ACTR3C: variants seen among roughly 807,000 people sequenced by gnomAD.
ACTR3C encodes the protein actin-related protein 3C.
In ACTR3C, 18 loss-of-function variants were observed where a neutral mutation model predicts 26.3. The observed-to-expected ratio is 0.68, with a 90% CI of 0.47 to 1.01. The LOEUF is 1.01. Among genes scored for constraint, ACTR3C ranks in the 50% least tolerant of loss-of-function variants. ACTR3C has a pLI of 0.00. For missense variants in ACTR3C, 184 were observed against 250.7 expected, an observed-to-expected ratio of 0.73 and a Z score of 1.80; for synonymous variants, 55 against 94.5, an observed-to-expected ratio of 0.58 and a Z score of 2.42.
At chr7:150,033,862 G>A in the ACTR3C span, among the ~76,000 whole-genome samples, 2 of 151,752 alleles carry the variant, frequency 1.3e-5, no homozygotes, top group Admixed American at 6.5e-5. Flanking sequence ...CCAGCGATGG[G>A]GATCCTAAGA....
chr7:150,083,710 C>G, the ACTR3C span, among the ~76,000 whole-genome samples: 1 of 152,232 alleles, frequency 6.6e-6, no homozygotes, highest in South Asian at 2.1e-4. Context: ...TTCACATCCT[C>G]CAGGTATTTG....
the ACTR3C span, among the ~76,000 whole-genome samples, chr7:150,193,315 T>C: frequency 1.3e-5 from 2 of 152,040 alleles, no homozygotes; most frequent in African/African-American, 4.8e-5. Context: ...TATTTTCTCT[T>C]GGTGAGTTCA....
At chr7:150,276,790 T>C (rs1333306968) in intron 6 of ACTR3C, among the ~76,000 whole-genome samples, 1 of 152,206 alleles carries the variant, frequency 6.6e-6, no homozygotes, top group Non-Finnish European at 1.5e-5. Context: ...CTCTTGACCC[T>C]CATCCTGTGT....
At chr7:150,175,660 A>C in the ACTR3C span, among the ~76,000 whole-genome samples, 469 of 148,508 alleles carry the variant, frequency 3.2e-3, 34 homozygotes, top group African/African-American at 0.012. Context: ...CTAAAATGCA[A>C]AATTAGCTGG....
At chr7:150,203,770 T>G in the ACTR3C span, among the ~76,000 whole-genome samples, 6 of 152,290 alleles carry the variant, frequency 3.9e-5, no homozygotes, top group South Asian at 1.2e-3. Flanking sequence ...TTTCACCATA[T>G]TGGCCAGGCT....
the ACTR3C span, among the ~76,000 whole-genome samples, chr7:150,206,570 T>A: frequency 6.6e-6 from 1 of 152,048 alleles, no homozygotes; most frequent in African/African-American, 2.4e-5. Flanking sequence ...TGCACCACCA[T>A]GCCCAGATAA....
At chr7:150,068,594 C>T in the ACTR3C span, among the ~76,000 whole-genome samples, 6 of 148,044 alleles carry the variant, frequency 4.1e-5, no homozygotes, top group Admixed American at 6.9e-5. Context: ...CTGGCTAACA[C>T]GGTGAAACCC....
At position 150,309,702 on chromosome 7, in the gene ACTR3C, C is replaced by T. The variant is rs185897175; in HGVS notation, c.-52+13767G>A. 1.1e-3 allele frequency among the ~76,000 whole-genome samples: 164 copies of T among 152,276 alleles called. 2 individuals carry two copies. Among genetic ancestry groups the T allele is most frequent in the Admixed American group, 8.8e-3 (135 of 15,290 alleles). On this transcript the variant is annotated intron_variant, in intron 1 of 7. Transcript: ENST00000683684. ...CTTCCTAAGCCGTGTCCCACCTGTG[C>T]GGGACCCCACTGGAAATCGGACTGT...
chr7:150,038,585 G>T, the ACTR3C span, among the ~76,000 whole-genome samples: 2 of 145,042 alleles, frequency 1.4e-5, no homozygotes, highest in South Asian at 2.1e-4. Flanking sequence ...CTTAAGCTCC[G>T]GTAGATTGCA....
intron 6 of ACTR3C, among the ~76,000 whole-genome samples, chr7:150,264,064 C>G (rs923276095): frequency 2.0e-5 from 3 of 152,196 alleles, no homozygotes; most frequent in Admixed American, 6.5e-5. Context: ...GCCGGGAGAG[C>G]TGCACACACC....
the ACTR3C span, among the ~76,000 whole-genome samples, chr7:150,234,969 C>A: frequency 2.6e-5 from 4 of 152,192 alleles, no homozygotes; most frequent in Non-Finnish European, 5.9e-5. Context: ...TCTCCTTAGC[C>A]ATGTAGCCAA....
At chr7:150,123,935 G>A in the ACTR3C span, among the ~76,000 whole-genome samples, 1 of 152,178 alleles carries the variant, frequency 6.6e-6, no homozygotes, top group African/African-American at 2.4e-5. Flanking sequence ...TGGAGCATGA[G>A]GTGTGAGGGA....
downstream of ACTR3C, among the ~76,000 whole-genome samples, chr7:150,239,542 A>C (rs11763702): frequency 0.078 from 8,238 of 105,144 alleles, 326 homozygotes; most frequent in South Asian, 0.095. Flanking sequence ...CTCTCTCTCT[A>C]TATATATATA....
the ACTR3C span, among the ~76,000 whole-genome samples, chr7:150,230,102 A>G: frequency 1.6e-4 from 24 of 151,244 alleles, no homozygotes; most frequent in African/African-American, 5.6e-4. Flanking sequence ...ATGGGTGCCT[A>G]TAATCTCAGC....
chr7:150,194,179 C>T, the ACTR3C span, among the ~76,000 whole-genome samples: 2 of 148,918 alleles, frequency 1.3e-5, no homozygotes, highest in Non-Finnish European at 3.0e-5. Flanking sequence ...GGAGAAATTC[C>T]TCCTTTATCA....
intron 1 of ACTR3C, among the ~76,000 whole-genome samples, chr7:150,322,073 G>T (rs904519179): frequency 6.6e-6 from 1 of 152,234 alleles, no homozygotes; most frequent in African/African-American, 2.4e-5. Flanking sequence ...GCTCGTCCAG[G>T]GAACATGACT....
chr7:149,965,924 G>A, the ACTR3C span, among the ~76,000 whole-genome samples: 1 of 152,200 alleles, frequency 6.6e-6, no homozygotes, highest in Non-Finnish European at 1.5e-5. Context: ...GTGTGCCTGA[G>A]TTCCCTCAGT....
At chr7:150,201,593 C>CAAA in the ACTR3C span, among the ~76,000 whole-genome samples, 44 of 119,450 alleles carry the variant, frequency 3.7e-4, no homozygotes, top group African/African-American at 1.2e-3. Context: ...AGTAAAAATA[C>CAAA]AAAAAAAAAA....
the ACTR3C span, among the ~76,000 whole-genome samples, chr7:150,199,725 C>CAAAAAAAAAAAAAAAAAAAA: frequency 1.2e-5 from 1 of 86,086 alleles, no homozygotes; most frequent in African/African-American, 4.9e-5. Context: ...ATATTTTTAT[C>CAAAAAAAAAAAAAAAAAAAA]AAAAAAAAAA....
Sources: gnomAD v4.1 joint callset for allele counts (sites outside exome capture counted in the v4.1 genomes callset) on GRCh38, gnomAD v4.1.1 for gene constraint, MANE v1.5 for transcripts, NCBI Gene and HGNC (gene_info 2026-07-23, HGNC 2026-07-21) for gene names.